MAPK11: variants seen among roughly 807,000 people sequenced by gnomAD.
MAPK11 encodes mitogen-activated protein kinase 11, also known as MAP kinase 11.
In MAPK11, 44 loss-of-function variants were observed where a neutral mutation model predicts 52.2. The ratio of observed to expected loss-of-function variants is 0.84; its 90% CI spans 0.66 to 1.08. The LOEUF (loss-of-function observed/expected upper bound fraction) is 1.08, where lower values mean the gene tolerates loss of function less well. Ranked by LOEUF, MAPK11 falls within the 50% of genes least tolerant of loss-of-function variation. MAPK11 has a pLI of 0.00. For synonymous variants in MAPK11, 233 were observed against 206.3 expected (o/e 1.13, Z -1.11); for missense variants, 436 against 494.7 (o/e 0.88, Z 1.13).
rs1336076024 is a variant in MAPK11, at chr22:50,265,304, G to C, written c.1015+17C>G. 1.2e-6 allele frequency: 2 copies of C among 1,611,194 alleles called. No individual in the cohort carries two copies. Among genetic ancestry groups the C allele is most frequent in the East Asian group, 2.2e-5 (1 of 44,822 alleles). On this transcript the variant is annotated intron_variant, in intron 11 of 11. Transcript: ENST00000330651. ...CCGCAGGCCCCTGGACCCACCCCCA[G>C]CCACTGCCATGCTCACCCTTCCACT...
chr22:50,267,441 ATGT>A lies in MAPK11; in HGVS notation c.344_346del (p.Asn115del). On this transcript the variant is annotated inframe_deletion, in exon 4 of 12. Coordinates refer to ENST00000330651, the MANE Select transcript of MAPK11 (RefSeq NM_002751.7). Reference sequence around the variant, plus strand: ...GTCGCTCAGCGCCTGGCACTTGACGATGTTGTTCAGGTCGGCGCCCATCAGGGT... The same window carrying A: ...GTCGCTCAGCGCCTGGCACTTGACGATGTTCAGGTCGGCGCCCATCAGGGT... 6.2e-7 allele frequency: 1 copy of A among 1,610,424 alleles called. No homozygotes were observed. The highest frequency in any genetic ancestry group is 8.5e-7 in the Non-Finnish European group (1 of 1,178,988).
intron 7 of MAPK11, 67 bp downstream of exon 7, chr22:50,266,867 A>T (rs1435902234): frequency 6.8e-7 from 1 of 1,460,058 alleles, no homozygotes; most frequent in Non-Finnish European, 9.5e-7. Context: ...AAGACCTGGC[A>T]TGCAGAGCCA....
intron 9 of MAPK11, among the ~76,000 whole-genome samples, chr22:50,265,948 TGGCCAGGCACTGCTTGCTGGGCCCC>T (rs879543953): frequency 0.046 from 5,374 of 117,902 alleles, 152 homozygotes; most frequent in Middle Eastern, 0.07. Flanking sequence ...CCCACTGCCC[TGGCCAGGCACTGCTTGCTGGGCCCC>T]CAGCCCACCC....
At position 50,270,010 on chromosome 22, in the gene MAPK11, C is replaced by CG. The variant is rs1473854251; in HGVS notation, c.116+166dup. ...GGCGTCTGCTTGGAAAGTTTCTTTA[C>CG]GCCGCCACCCCCGCCCCCCCATTCA... On this transcript the variant is annotated intron_variant, in intron 1 of 11. Transcript: ENST00000330651. This position sits in a 1 kb window ranked among gnomAD's most constrained non-coding sequence, Gnocchi z 6.3. Among the ~76,000 whole-genome samples, 1 of 151,546 alleles carries CG rather than the reference C, an allele frequency of 6.6e-6. No individual in the cohort carries two copies. Among genetic ancestry groups the CG allele is most frequent in the East Asian group, 2.0e-4 (1 of 5,124 alleles).
Position 50,267,863 on chromosome 22 carries a change from G to T in MAPK11, c.203C>A (p.Thr68Lys). 6.3e-7 allele frequency: 1 copy of T among 1,588,160 alleles called. No individual in the cohort carries two copies. The highest frequency in any genetic ancestry group is 8.5e-7 in the Non-Finnish European group (1 of 1,169,872). ...CTTGAGCAGCCGCAGCTCCCGGTAC[G>T]TTCTGCGCGCGTGGATCAGCGACTG... is the stretch of plus-strand genomic sequence containing the variant. ...PFQSLIHARR[T>K]YRELRLLKHL... The change falls in exon 2 of 12, where the codon ACG becomes AAG. Residue 68 changes from threonine (T) to lysine (K), a missense_variant. Coordinates refer to ENST00000330651, the MANE Select transcript of MAPK11 (RefSeq NM_002751.7).
chr22:50,266,129 C>T (rs1601652535), intron 9 of MAPK11, 97 bp downstream of exon 9: 2 of 993,252 alleles, frequency 2.0e-6, no homozygotes, highest in Middle Eastern at 2.2e-4. Context: ...TCCCATGTTC[C>T]CCATATGGTC....
intron 2 of MAPK11, 55 bp from the exon 3 acceptor site, chr22:50,267,682 TC>T (rs901274368): frequency 1.0e-5 from 15 of 1,476,956 alleles, no homozygotes; most frequent in African/African-American, 2.9e-5. Context: ...GTCGTTCAGC[TC>T]CCCCCGGGCC....
Position 50,265,420 on chromosome 22 carries a change from C to G in MAPK11, c.916G>C (p.Ala306Pro). The stretch of plus-strand genomic sequence containing the variant: ...GGGTCGTGGTACTGGCTGAAGTAGG[C>G]GTGGGCCAGTGCCTCAGCTGCACTG... ...RVSAAEALAH[A>P]YFSQYHDPED... is the part of the protein sequence containing the mutation. Residue 306 changes from alanine (A) to proline (P), a missense_variant, in exon 11 of 12, where the codon GCC (alanine) becomes CCC (proline). Ala to Pro is a conservative substitution (Grantham distance 27). Coordinates refer to ENST00000330651, the MANE Select transcript of MAPK11 (RefSeq NM_002751.7). 2.5e-6 allele frequency: 4 copies of G among 1,613,134 alleles called. No individual in the cohort carries two copies. The highest frequency in any genetic ancestry group is 3.4e-6 in the Non-Finnish European group (4 of 1,179,996).
Position 50,267,415 on chromosome 22 carries a change from C to T in MAPK11, c.373G>A (p.Glu125Lys), listed in dbSNP as rs542078670. The T allele has an allele frequency of 1.9e-6, 3 of 1,610,858 alleles. No homozygotes were observed. The highest frequency in any genetic ancestry group is 1.7e-5 in the Admixed American group (1 of 59,856). The change falls in exon 4 of 12, where the codon GAG becomes AAG. Residue 125 changes from glutamate (E) to lysine (K), a missense_variant. Transcript: ENST00000330651. ...NIVKCQALSD[E>K]HVQFLVYQLL... ...TGGTAAACCAGGAATTGAACGTGCT[C>T]GTCGCTCAGCGCCTGGCACTTGACG...
chr22:50,265,336 G>C lies in MAPK11; in HGVS notation c.1000C>G (p.Leu334Val). Reference protein sequence around the residue: ...DESVEAKERTLEEWKELTYQE... With the variant: ...DESVEAKERTVEEWKELTYQE... ...CCATGCTCACCCTTCCACTCCTCCAGCGTGCGCTCCTTGGCCTCAACGCTC... is the reference window on the plus strand; with the variant it reads ...CCATGCTCACCCTTCCACTCCTCCACCGTGCGCTCCTTGGCCTCAACGCTC... The change falls in exon 11 of 12, where the codon CTG (leucine) becomes GTG (valine). Residue 334 changes from leucine (L) to valine (V), a missense_variant. Physicochemically the swap from Leu to Val is conservative, Grantham distance 32. Transcript: ENST00000330651. 1 of 1,613,184 alleles carries C rather than the reference G, an allele frequency of 6.2e-7. No individual in the cohort carries two copies. Among genetic ancestry groups the C allele is most frequent in the Non-Finnish European group, 8.5e-7 (1 of 1,179,976 alleles).
chr22:50,268,024 C>A lies in MAPK11; in HGVS notation c.117-75G>T, dbSNP rs2065280779. On this transcript the variant is annotated intron_variant, in intron 1 of 11. Transcript: ENST00000330651. ...GCACGCGCGTGGACCCGGGCGGCGT[C>A]CCTCTCGCCGCTTCTCCGTGGGGAT... 21 of 1,413,222 alleles carry A rather than the reference C, an allele frequency of 1.5e-5. 1 individual carries two copies. In the South Asian group the frequency reaches 3.0e-4, roughly 20 times the overall value. 87.5% of individuals were successfully genotyped at this position (1,413,222 alleles called of 1,614,324 possible). A position where few individuals can be genotyped will look rare whatever the true frequency, so the allele number is the denominator to read the frequency against.
intron 11 of MAPK11, 104 bp from the exon 12 acceptor site, chr22:50,265,131 G>A (rs41283473): frequency 0.012 from 13,760 of 1,173,780 alleles, 95 homozygotes; most frequent in Non-Finnish European, 0.014. Context: ...CCCTGTGACA[G>A]CAGCCTCAGC....
intron 2 of MAPK11, 25 bp downstream of exon 2, chr22:50,267,795 C>G: frequency 6.6e-7 from 1 of 1,509,734 alleles, no homozygotes; most frequent in Non-Finnish European, 8.8e-7. Flanking sequence ...ACGCGCCCTC[C>G]CCCCACGGCC....
chr22:50,269,623 C>G (rs1229014328), intron 1 of MAPK11, among the ~76,000 whole-genome samples: 2 of 152,050 alleles, frequency 1.3e-5, no homozygotes, highest in East Asian at 3.9e-4. Flanking sequence ...CTGTCGTCTT[C>G]CTGGGCCCCA....
Position 50,266,322 on chromosome 22 carries a change from A to G in MAPK11, c.683-17T>C, listed in dbSNP as rs1448315510. 1.3e-6 allele frequency: 2 copies of G among 1,597,832 alleles called. No homozygotes were observed. Among genetic ancestry groups the G allele is most frequent in the Non-Finnish European group, 1.7e-6 (2 of 1,172,112 alleles). ...GGTCAATGTCTGTGTCACTCAGGAA[A>G]CACCCACGGGCCAGCCACAGACCCC... On this transcript the variant is annotated splice_polypyrimidine_tract_variant and intron_variant, in intron 8 of 11. Transcript: ENST00000330651.
chr22:50,264,954 C>T lies in MAPK11; in HGVS notation c.1089G>A (p.Glu363=), dbSNP rs2065250407. 6.2e-7 allele frequency: 1 copy of T among 1,611,288 alleles called. No homozygotes were observed. The highest frequency in any genetic ancestry group is 1.1e-5 in the South Asian group (1 of 90,320). ...GGGGCTGCTGGGCAGCACCTCACTG[C>T]TCAATCTCCAGGCTGCCAGGTGGCT... is the stretch of plus-strand genomic sequence containing the variant. ...PPKPPGSLEI[E]Q is the part of the protein sequence containing the mutation. The change falls in exon 12 of 12, where the codon GAG becomes GAA. Residue 363 remains glutamate (E), a synonymous_variant. Transcript: ENST00000330651.
At chr22:50,265,249 G>A (rs2065252893) in intron 11 of MAPK11, 72 bp downstream of exon 11, 2 of 1,566,862 alleles carry the variant, frequency 1.3e-6, no homozygotes, top group Non-Finnish European at 1.7e-6. Flanking sequence ...AGAGGAACTG[G>A]GGCATTTCCT....
chr22:50,265,030 A>G lies in MAPK11; in HGVS notation c.1016-3T>C. On this transcript the variant is annotated splice_region_variant and splice_polypyrimidine_tract_variant and intron_variant, in intron 11 of 11. Transcript: ENST00000330651. ...GAGGACTTCCTGGTAAGTGAGCTCT[A>G]GGAGGTGAAGGGAAAGGGTGAGCTT... The G allele has an allele frequency of 6.2e-7, 1 of 1,612,106 alleles. No individual in the cohort carries two copies. Among genetic ancestry groups the G allele is most frequent in the Non-Finnish European group, 8.5e-7 (1 of 1,178,948 alleles).
At position 50,266,889 on chromosome 22, in the gene MAPK11, G is replaced by A; in HGVS notation, c.610+45C>T. The A allele has an allele frequency of 1.9e-6, 3 of 1,552,002 alleles. No homozygotes were observed. In the South Asian group the frequency reaches 3.3e-5, roughly 17 times the overall value. On this transcript the variant is annotated intron_variant, in intron 7 of 11. Coordinates refer to ENST00000330651, the MANE Select transcript of MAPK11 (RefSeq NM_002751.7). ...GGCATGCAGAGCCAGTCGAGGGCCA[G>A]ACGAGGCCCTTGGCCTTCGTCCCCC...
Sources: gnomAD v4.1 joint callset for allele counts (sites outside exome capture counted in the v4.1 genomes callset) on GRCh38, gnomAD v4.1.1 for gene constraint, Gnocchi (gnomAD v3.1) non-coding constraint, MANE v1.5 for transcripts, NCBI Gene and HGNC (gene_info 2026-07-23, HGNC 2026-07-21) for gene names.